PPARGC1A: variants seen among roughly 807,000 people sequenced by gnomAD.
PPARGC1A encodes the protein peroxisome proliferator-activated receptor gamma coactivator 1-alpha.
PPARGC1A carries 25 observed loss-of-function variants against 88.7 expected under a neutral mutation model. The ratio of observed to expected loss-of-function variants is 0.28; its 90% CI spans 0.21 to 0.39. The LOEUF is 0.39. Ranked by LOEUF, PPARGC1A falls within the 10% of genes least tolerant of loss-of-function variation. The pLI, the probability that PPARGC1A is intolerant of heterozygous loss-of-function variation, is 1.00. For synonymous variants in PPARGC1A, 363 were observed against 355.6 expected, an observed-to-expected ratio of 1.02 and a Z score of -0.24; for missense variants, 880 against 968.7, an observed-to-expected ratio of 0.91 and a Z score of 1.22.
Position 23,793,759 on chromosome 4 carries a change from A to C in PPARGC1A, c.*2063T>G, listed in dbSNP as rs1717053233. 1 of 152,168 alleles carries C rather than the reference A, an allele frequency of 6.6e-6. No individual in the cohort carries two copies. The highest frequency in any genetic ancestry group is 2.4e-5 in the African/African-American group (1 of 41,454). 9.4% of individuals were successfully genotyped at this position (152,168 alleles called of 1,614,324 possible). ...TTTAGCAGAAGCAATGTCATCAAGA[A>C]CAACACCATGGTCACGTCAGAGGCC... is the stretch of plus-strand genomic sequence containing the variant. On this transcript the variant is annotated 3_prime_UTR_variant, in exon 13 of 13. Transcript: ENST00000264867.
intron 7 of PPARGC1A, among the ~76,000 whole-genome samples, chr4:23,817,037 C>A (rs1054546197): frequency 1.3e-5 from 2 of 152,140 alleles, no homozygotes; most frequent in Non-Finnish European, 2.9e-5. Context: ...CATCTGAGAA[C>A]CCCAGCCCTA....
the PPARGC1A span, among the ~76,000 whole-genome samples, chr4:24,132,005 G>A: frequency 1.3e-5 from 2 of 152,310 alleles, no homozygotes; most frequent in Admixed American, 6.5e-5. Context: ...GCCTAGTGCA[G>A]GCTTTGTGCC....
intron 1 of PPARGC1A, among the ~76,000 whole-genome samples, chr4:23,886,696 G>T (rs1368449572): frequency 6.6e-6 from 1 of 152,092 alleles, no homozygotes; most frequent in Non-Finnish European, 1.5e-5. Flanking sequence ...ATATTTGGTT[G>T]TGGATGTAAC....
the PPARGC1A span, among the ~76,000 whole-genome samples, chr4:24,317,554 C>CAAAAAAAAAAAAAAAAAAAAA: frequency 3.5e-4 from 5 of 14,254 alleles, no homozygotes; most frequent in Admixed American, 2.6e-3. Context: ...GTTCAGAGGA[C>CAAAAAAAAAAAAAAAAAAAAA]TAAAAAAAAA....
rs1720533792 is a variant in PPARGC1A at position 23,809,799 on chromosome 4, T to C, written c.2019+2948A>G. Among the ~76,000 whole-genome samples the C allele has an allele frequency of 2.6e-5, 4 of 152,322 alleles. No homozygotes were observed. In the South Asian group the frequency reaches 8.3e-4, roughly 32 times the overall value. ...TTAACCGTGTGGCTAAAGGCTACCA[T>C]ATTGGATGCTGCAGGTGGAGAAAAT... On this transcript the variant is annotated intron_variant, in intron 10 of 12. Transcript: ENST00000264867.
At chr4:23,822,146 C>G (rs1431545580) in intron 7 of PPARGC1A, among the ~76,000 whole-genome samples, 1 of 152,052 alleles carries the variant, frequency 6.6e-6, no homozygotes, top group Admixed American at 6.6e-5. Context: ...AGAGTCTTAG[C>G]AATCAAAAGA....
chr4:23,910,330 TATTATATATATTATATATTA>T, the PPARGC1A span, among the ~76,000 whole-genome samples: 17,901 of 91,156 alleles, frequency 0.2, 3,048 homozygotes, highest in East Asian at 0.41. Flanking sequence ...ATATATTATA[TATTATATATATTATATATTA>T]TATATATTAT....
the PPARGC1A span, among the ~76,000 whole-genome samples, chr4:24,053,969 C>A: frequency 6.6e-6 from 1 of 152,090 alleles, no homozygotes; most frequent in African/African-American, 2.4e-5. Context: ...ATCAGAACAC[C>A]ATGAAGATAT....
the PPARGC1A span, among the ~76,000 whole-genome samples, chr4:24,218,259 G>T: frequency 4.9e-4 from 75 of 152,282 alleles, no homozygotes; most frequent in African/African-American, 1.8e-3. Context: ...TACACTATCT[G>T]CTCTGAGAAT....
chr4:23,836,814 A>G (rs569638632), intron 2 of PPARGC1A, among the ~76,000 whole-genome samples: 1 of 152,308 alleles, frequency 6.6e-6, no homozygotes, highest in African/African-American at 2.4e-5. Context: ...CTGGTTATAC[A>G]TGGTGTGGCA....
chr4:24,390,324 AT>A, the PPARGC1A span, among the ~76,000 whole-genome samples: 1 of 152,086 alleles, frequency 6.6e-6, no homozygotes, highest in Admixed American at 6.6e-5. Context: ...GTAGCAATTT[AT>A]ATAATAAATC....
the PPARGC1A span, among the ~76,000 whole-genome samples, chr4:24,391,845 C>T: frequency 1.3e-5 from 2 of 152,004 alleles, no homozygotes; most frequent in Admixed American, 1.3e-4. Flanking sequence ...GACCAACTGT[C>T]CCACATATTT....
chr4:24,213,948 G>T, the PPARGC1A span, among the ~76,000 whole-genome samples: 14 of 152,232 alleles, frequency 9.2e-5, no homozygotes, highest in East Asian at 2.7e-3. Flanking sequence ...CTTAATATGG[G>T]GCTAATTCAG....
At chr4:24,148,326 TCCAC>T in the PPARGC1A span, among the ~76,000 whole-genome samples, 1 of 152,206 alleles carries the variant, frequency 6.6e-6, no homozygotes, top group Non-Finnish European at 1.5e-5. Context: ...AATTCTGTTT[TCCAC>T]CCTTCCTTCA....
the PPARGC1A span, among the ~76,000 whole-genome samples, chr4:24,002,093 C>CAGAGAGAG: frequency 3.2e-4 from 44 of 135,766 alleles, no homozygotes; most frequent in African/African-American, 8.2e-4. Context: ...CACACACACA[C>CAGAGAGAG]ACACAGAGAG....
chr4:24,369,162 G>C, the PPARGC1A span, among the ~76,000 whole-genome samples: 2 of 152,178 alleles, frequency 1.3e-5, no homozygotes, highest in Non-Finnish European at 2.9e-5. Flanking sequence ...AGCAGGGTGA[G>C]AACATGGATA....
the PPARGC1A span, among the ~76,000 whole-genome samples, chr4:24,298,914 T>C: frequency 6.6e-6 from 1 of 152,158 alleles, no homozygotes; most frequent in East Asian, 1.9e-4. Context: ...ATACTACATA[T>C]GTGTTTAATA....
At chr4:23,848,532 C>T (rs1728701341) in intron 2 of PPARGC1A, among the ~76,000 whole-genome samples, 1 of 152,082 alleles carries the variant, frequency 6.6e-6, no homozygotes, top group African/African-American at 2.4e-5. Flanking sequence ...ATGCTATCAG[C>T]TAGAGGTGGC....
At chr4:23,869,121 AG>A (rs903939986) in intron 2 of PPARGC1A, among the ~76,000 whole-genome samples, 5 of 152,216 alleles carry the variant, frequency 3.3e-5, no homozygotes, top group Non-Finnish European at 4.4e-5. Context: ...CTAGTCACTC[AG>A]GGACCATCCA....
Sources: gnomAD v4.1 joint callset for allele counts (sites outside exome capture counted in the v4.1 genomes callset) on GRCh38, gnomAD v4.1.1 for gene constraint, MANE v1.5 for transcripts, NCBI Gene and HGNC (gene_info 2026-07-23, HGNC 2026-07-21) for gene names.